MAP4K4: variants seen among roughly 807,000 people sequenced by gnomAD.
The protein encoded by MAP4K4 is mitogen-activated protein kinase kinase kinase kinase 4.
Under a neutral mutation model 189.6 loss-of-function variants are expected in MAP4K4, and 38 were observed. The observed-to-expected ratio is 0.20, with a 90% CI of 0.15 to 0.26. MAP4K4 has a LOEUF of 0.26. Among genes scored for constraint, MAP4K4 ranks in the 10% least tolerant of loss-of-function variants. The pLI is 1.00. For missense variants in MAP4K4, 1,054 were observed against 1,726.9 expected (o/e 0.61, Z 6.91); for synonymous variants, 610 against 624.3 (o/e 0.98, Z 0.34).
chr2:101,733,477 G>A (rs748326440), intron 2 of MAP4K4, among the ~76,000 whole-genome samples: 2 of 152,178 alleles, frequency 1.3e-5, no homozygotes, highest in South Asian at 2.1e-4. Flanking sequence ...CCCTGACAGC[G>A]GGAGATGAGC....
intron 6 of MAP4K4, among the ~76,000 whole-genome samples, chr2:101,830,241 T>C (rs1278881875): frequency 6.6e-6 from 1 of 152,186 alleles, no homozygotes; most frequent in Non-Finnish European, 1.5e-5. Context: ...AGAATGTAAA[T>C]TCTGGGAATG....
intron 3 of MAP4K4, among the ~76,000 whole-genome samples, chr2:101,792,489 C>T (rs1306309312): frequency 6.6e-6 from 1 of 151,908 alleles, no homozygotes; most frequent in Non-Finnish European, 1.5e-5. Flanking sequence ...AAGCCTGGCT[C>T]TGATTATAAG....
intron 3 of MAP4K4, among the ~76,000 whole-genome samples, chr2:101,821,096 C>T (rs1440968667): frequency 1.3e-5 from 2 of 151,866 alleles, no homozygotes; most frequent in Non-Finnish European, 2.9e-5. Flanking sequence ...GTATTGAGTA[C>T]CTAATTTTTC....
intron 27 of MAP4K4, among the ~76,000 whole-genome samples, chr2:101,879,966 C>T (rs540667640): frequency 6.6e-6 from 1 of 151,544 alleles, no homozygotes; most frequent in South Asian, 2.1e-4. Flanking sequence ...ATGTATGGTA[C>T]ATCTTTTCTT....
chr2:101,811,370 CAAAAA>C (rs71378177), intron 3 of MAP4K4, among the ~76,000 whole-genome samples: 4 of 68,902 alleles, frequency 5.8e-5, no homozygotes, highest in East Asian at 1.0e-3. Context: ...GACTGCGTCT[CAAAAA>C]AAAAAAAAAA....
intron 2 of MAP4K4, among the ~76,000 whole-genome samples, chr2:101,786,943 G>T (rs1468287229): frequency 6.6e-6 from 1 of 152,142 alleles, no homozygotes; most frequent in Non-Finnish European, 1.5e-5. Context: ...TTTAATCTCT[G>T]CCATCTGGCA....
At position 101,843,272 on chromosome 2, in the gene MAP4K4, G is replaced by A. The variant is rs2096975417; in HGVS notation, c.1022+591G>A. On this transcript the variant is annotated intron_variant, in intron 11 of 32. Transcript: ENST00000324219. ...TGCTGCAGTATGTGGCTGATGAAGT[G>A]AACAAAGGGAGGGTGGAAGGGCATC... is the stretch of plus-strand genomic sequence containing the variant. Among the ~76,000 whole-genome samples, 4 of 152,192 alleles carry A rather than the reference G, an allele frequency of 2.6e-5. No homozygotes were observed. In the South Asian group the frequency reaches 6.2e-4, roughly 24 times the overall value.
chr2:101,801,028 C>T (rs1257728869), intron 3 of MAP4K4, among the ~76,000 whole-genome samples: 4 of 45,108 alleles, frequency 8.9e-5, no homozygotes, highest in African/African-American at 8.2e-4. Context: ...ATCTAAATTG[C>T]TGTTTTTTTT....
chr2:101,892,130 C>T (rs959181201), exon 33 of MAP4K4: 2 of 151,330 alleles, frequency 1.3e-5, no homozygotes, highest in East Asian at 1.9e-4. Context: ...TAAACCTAGA[C>T]GTGCAACAAA....
chr2:101,857,179 C>G (rs2097497959), intron 13 of MAP4K4, among the ~76,000 whole-genome samples: 1 of 152,042 alleles, frequency 6.6e-6, no homozygotes, highest in South Asian at 2.1e-4. Context: ...GGTAGCAATT[C>G]ATCTTTAATG....
At chr2:101,738,339 T>G (rs1359156473) in intron 2 of MAP4K4, among the ~76,000 whole-genome samples, 1 of 152,142 alleles carries the variant, frequency 6.6e-6, no homozygotes, top group African/African-American at 2.4e-5. Flanking sequence ...AGGGCCAACC[T>G]GAGGGGTAAA....
At chr2:101,758,949 T>C (rs906376081) in intron 2 of MAP4K4, among the ~76,000 whole-genome samples, 3 of 151,630 alleles carry the variant, frequency 2.0e-5, no homozygotes, top group African/African-American at 4.8e-5. Flanking sequence ...CTGGCTAACA[T>C]GGTGAAACCG....
At chr2:101,859,257 T>G (rs2097563432) in intron 14 of MAP4K4, among the ~76,000 whole-genome samples, 175 bp downstream of exon 14, 1 of 152,212 alleles carries the variant, frequency 6.6e-6, no homozygotes, top group Non-Finnish European at 1.5e-5. Context: ...TGGTCTTTAT[T>G]TATTTATATC....
intron 6 of MAP4K4, among the ~76,000 whole-genome samples, chr2:101,830,298 A>G (rs1232739408): frequency 1.3e-5 from 2 of 152,150 alleles, no homozygotes; most frequent in Non-Finnish European, 2.9e-5. Flanking sequence ...ACTTCATTGT[A>G]GTAGGTGCTT....
chr2:101,884,781 C>T (rs903440230), intron 28 of MAP4K4, among the ~76,000 whole-genome samples: 11 of 152,118 alleles, frequency 7.2e-5, no homozygotes, highest in Non-Finnish European at 1.2e-4. Context: ...TCTGTGTGAG[C>T]CCCATGCAGG....
intron 2 of MAP4K4, among the ~76,000 whole-genome samples, chr2:101,732,978 GCTGTC>G (rs946700159): frequency 2.0e-5 from 3 of 152,256 alleles, no homozygotes; most frequent in African/African-American, 4.8e-5. Context: ...GAGCTTAGCA[GCTGTC>G]CTGTCAGCCC....
At chr2:101,851,724 CTTT>C (rs36217584) in intron 12 of MAP4K4, among the ~76,000 whole-genome samples, 93 of 67,790 alleles carry the variant, frequency 1.4e-3, no homozygotes, top group Non-Finnish European at 2.3e-3. Flanking sequence ...TAACTGTCCT[CTTT>C]TTTTTTTTTT....
rs1041736634 is a variant in MAP4K4 at position 101,860,661 on chromosome 2, G to T, written c.1705-164G>T. On this transcript the variant is annotated intron_variant, in intron 15 of 32. Transcript: ENST00000324219. ...TTTCTTTTTCCTGAATCTAATCCTA[G>T]CACTGCTTTATGTACCTTCTTTTTT... The T allele has an allele frequency of 6.8e-6, 4 of 589,570 alleles. No homozygotes were observed. In the African/African-American group the frequency reaches 7.5e-5, roughly 11 times the overall value. 36.5% of individuals were successfully genotyped at this position (589,570 alleles called of 1,614,324 possible). A position where few individuals can be genotyped will look rare whatever the true frequency, so the allele number is the denominator to read the frequency against.
At chr2:101,867,556 A>G in intron 20 of MAP4K4, 1 of 451,962 alleles carries the variant, frequency 2.2e-6, no homozygotes, top group Non-Finnish European at 3.9e-6. Flanking sequence ...CTTGGTGTAC[A>G]GTCAGCCTTA....
Sources: allele counts gnomAD v4.1 joint callset (sites outside exome capture counted in the v4.1 genomes callset), GRCh38; gene constraint gnomAD v4.1.1; transcripts MANE v1.5; gene names NCBI Gene and HGNC (gene_info 2026-07-23, HGNC 2026-07-21).